Variants in MTUS2 observed in about 807,000 individuals in gnomAD.
MTUS2 encodes the protein microtubule associated scaffold protein 2.
MTUS2 carries 40 observed loss-of-function variants against 114.1 expected under a neutral mutation model. The ratio of observed to expected loss-of-function variants is 0.35; its 90% CI spans 0.27 to 0.46. MTUS2 has a LOEUF of 0.46. MTUS2 is among the 20% of genes least tolerant of loss of function. The pLI is 1.00. For synonymous variants in MTUS2, 688 were observed against 672.0 expected (o/e 1.02, Z -0.37); for missense variants, 1,679 against 1,705.4 (o/e 0.98, Z 0.27).
intron 5 of MTUS2, among the ~76,000 whole-genome samples, chr13:29,245,089 G>A (rs575269803): frequency 1.1e-3 from 160 of 151,990 alleles, no homozygotes; most frequent in African/African-American, 3.7e-3. Flanking sequence ...AGTTTGAGCT[G>A]TTAAAAGATG....
chr13:29,396,056 C>T (rs1278775984), intron 8 of MTUS2, among the ~76,000 whole-genome samples: 2 of 152,158 alleles, frequency 1.3e-5, no homozygotes, highest in Admixed American at 6.5e-5. Flanking sequence ...TGTACATGTG[C>T]TCAGCTGTGG....
At chr13:29,038,822 T>C (rs326510) in intron 4 of MTUS2, among the ~76,000 whole-genome samples, 147,644 of 152,334 alleles carry the variant, frequency 0.97, 71,585 homozygotes, top group South Asian at 0.98. Flanking sequence ...TCGAACTTTC[T>C]GGTGGCTTTG....
chr13:28,867,917 C>T (rs991513418), intron 2 of MTUS2, among the ~76,000 whole-genome samples: 2 of 152,224 alleles, frequency 1.3e-5, no homozygotes, highest in African/African-American at 4.8e-5. Flanking sequence ...CTTGCTCAGA[C>T]TCTAGGGCCC....
chr13:29,351,082 A>T (rs1404317927), intron 7 of MTUS2, among the ~76,000 whole-genome samples: 1 of 151,708 alleles, frequency 6.6e-6, no homozygotes, highest in African/African-American at 2.4e-5. Flanking sequence ...CACAGGTGGA[A>T]GTGGATTTCA....
intron 2 of MTUS2, among the ~76,000 whole-genome samples, chr13:29,011,622 A>T (rs2138423281): frequency 6.6e-6 from 1 of 152,298 alleles, no homozygotes; most frequent in African/African-American, 2.4e-5. Flanking sequence ...TTCCTAACTG[A>T]ATAATATGGT....
intron 5 of MTUS2, among the ~76,000 whole-genome samples, chr13:29,249,429 G>A (rs1456210904): frequency 6.6e-6 from 1 of 152,170 alleles, no homozygotes; most frequent in African/African-American, 2.4e-5. Flanking sequence ...CCCACCAACA[G>A]TGTATAAGTG....
At chr13:29,175,253 CT>C (rs1893722599) in intron 5 of MTUS2, among the ~76,000 whole-genome samples, 1 of 151,966 alleles carries the variant, frequency 6.6e-6, no homozygotes, top group Non-Finnish European at 1.5e-5. Context: ...AAGAATATGC[CT>C]CTTTTGTAAT....
chr13:29,337,805 T>C (rs1901156900), intron 7 of MTUS2, among the ~76,000 whole-genome samples: 2 of 151,092 alleles, frequency 1.3e-5, no homozygotes, highest in South Asian at 4.2e-4. Context: ...TTTTTTTTTT[T>C]TGAGACAGAG....
chr13:28,877,179 G>A lies in MTUS2; in HGVS notation c.-243+37329G>A, dbSNP rs1332008267. Among the ~76,000 whole-genome samples the A allele has an allele frequency of 1.6e-4, 24 of 150,772 alleles. No homozygotes were observed. The East Asian group carries it at 2.1e-3, about 13-fold the overall frequency. ...AAATACAAAAAAAAATTAGCTGGGC[G>A]TGGTGGCGGGCACCTGTAGTCCCAG... On this transcript the variant is annotated intron_variant, in intron 2 of 15. Transcript: ENST00000612955.
In MTUS2 at chr13:29,185,661, A is replaced by G. The variant is rs1047197745; in HGVS notation, c.2644+84691A>G. On this transcript the variant is annotated intron_variant, in intron 5 of 15. Coordinates refer to ENST00000612955, the MANE Select transcript of MTUS2 (RefSeq NM_001033602.4). ...ATTCAAAGTGCTCAAAGAATAACCT[A>G]TCAATCAAGAATTCTATATCCAGCA... is the stretch of plus-strand genomic sequence containing the variant. Among the ~76,000 whole-genome samples the G allele has an allele frequency of 4.6e-5, 7 of 152,322 alleles. No homozygotes were observed. The East Asian group carries it at 5.8e-4, about 13-fold the overall frequency.
At chr13:29,357,828 ACTTTT>A (rs1419353636) in intron 7 of MTUS2, among the ~76,000 whole-genome samples, 1 of 152,238 alleles carries the variant, frequency 6.6e-6, no homozygotes, top group East Asian at 1.9e-4. Flanking sequence ...ATCTCTGATG[ACTTTT>A]TAGGAGGAGA....
At chr13:29,215,474 GTTTTTTTTT>G (rs71090232) in intron 5 of MTUS2, among the ~76,000 whole-genome samples, 4 of 130,090 alleles carry the variant, frequency 3.1e-5, no homozygotes, top group African/African-American at 1.1e-4. Flanking sequence ...TTTTTTTGCT[GTTTTTTTTT>G]TTTTTTTTTT....
chr13:28,823,681 C>T (rs958008961), intron 1 of MTUS2, among the ~76,000 whole-genome samples: 3 of 152,280 alleles, frequency 2.0e-5, no homozygotes, highest in African/African-American at 7.2e-5. Flanking sequence ...CACCCTCCAA[C>T]GGATTTGAAA....
At chr13:29,454,723 C>T (rs1006129333) in intron 9 of MTUS2, among the ~76,000 whole-genome samples, 8 of 152,224 alleles carry the variant, frequency 5.3e-5, no homozygotes, top group African/African-American at 1.9e-4. Flanking sequence ...CAGTCGTGTG[C>T]TGTATAAATA....
chr13:29,182,484 C>A (rs560777943), intron 5 of MTUS2, among the ~76,000 whole-genome samples: 1 of 152,362 alleles, frequency 6.6e-6, no homozygotes, highest in South Asian at 2.1e-4. Context: ...CAGAATCAAT[C>A]ATTTCCTCCT....
At chr13:29,404,966 A>T (rs1874640041) in intron 8 of MTUS2, among the ~76,000 whole-genome samples, 1 of 152,208 alleles carries the variant, frequency 6.6e-6, no homozygotes, top group Non-Finnish European at 1.5e-5. Flanking sequence ...TGCAGCGATG[A>T]CAAGTTCTTT....
chr13:29,038,474 T>A (rs907633036), intron 4 of MTUS2, among the ~76,000 whole-genome samples: 1 of 152,214 alleles, frequency 6.6e-6, no homozygotes, highest in African/African-American at 2.4e-5. Context: ...GAGGTGTCTG[T>A]CTGCCCCTGC....
Position 29,294,311 on chromosome 13 carries a change from A to G in MTUS2, c.2806+12446A>G, listed in dbSNP as rs142504649. Among the ~76,000 whole-genome samples the G allele has an allele frequency of 6.6e-3, 1,006 of 152,160 alleles. 32 individuals are homozygous for G. Among genetic ancestry groups the G allele is most frequent in the Admixed American group, 0.056 (854 of 15,270 alleles). Reference sequence around the variant, plus strand: ...AACGTTATATCCTAATAATTTTCCAATATCATGATAAATATGTGAAAAGGT... The same window carrying G: ...AACGTTATATCCTAATAATTTTCCAGTATCATGATAAATATGTGAAAAGGT... On this transcript the variant is annotated intron_variant, in intron 6 of 15. Coordinates refer to ENST00000612955, the MANE Select transcript of MTUS2 (RefSeq NM_001033602.4).
chr13:29,187,116 CT>C (rs1378378980), intron 5 of MTUS2, among the ~76,000 whole-genome samples: 1 of 151,706 alleles, frequency 6.6e-6, no homozygotes, highest in African/African-American at 2.4e-5. Context: ...TAAAGCAGTG[CT>C]TACAGGGATA....
Sources: gnomAD v4.1 joint callset for allele counts (sites outside exome capture counted in the v4.1 genomes callset) on GRCh38, gnomAD v4.1.1 for gene constraint, MANE v1.5 for transcripts, NCBI Gene and HGNC (gene_info 2026-07-23, HGNC 2026-07-21) for gene names.